ZDHHC3: variants seen among roughly 807,000 people sequenced by gnomAD.
ZDHHC3 encodes the protein zDHHC palmitoyltransferase 3.
In ZDHHC3, 9 loss-of-function variants were observed where a neutral mutation model predicts 30.6. The observed-to-expected ratio is 0.29, with a 90% CI of 0.18 to 0.51. The LOEUF is 0.51. ZDHHC3 is among the 20% of genes least tolerant of loss of function. The probability of loss-of-function intolerance (pLI) is 0.97; values close to 1 mark genes in which losing one functional copy is unlikely to be tolerated. For synonymous variants in ZDHHC3, 136 were observed against 140.2 expected (o/e 0.97, Z 0.21); for missense variants, 246 against 384.2 (o/e 0.64, Z 3.01).
intron 2 of ZDHHC3, among the ~76,000 whole-genome samples, chr3:44,957,036 A>G (rs1172589117): frequency 6.6e-6 from 1 of 151,126 alleles, no homozygotes; most frequent in East Asian, 1.9e-4. Context: ...CTTTGAATCT[A>G]CTCTTTTCTC....
rs1700818690 is a variant in ZDHHC3 at position 44,924,296 on chromosome 3, AAAT to A, written c.*2390_*2392del. The A allele has an allele frequency of 1.0e-6, 1 of 985,466 alleles. No individual in the cohort carries two copies. Among genetic ancestry groups the A allele is most frequent in the African/African-American group, 1.7e-5 (1 of 57,368 alleles). 61.0% of individuals were successfully genotyped at this position (985,466 alleles called of 1,614,324 possible). A position where few individuals can be genotyped will look rare whatever the true frequency, so the allele number is the denominator to read the frequency against. ...GGCTGGGAACCAATCACTACCCTGCAAATGATGGCTACATTCCTCAGTCATTGT... is the reference window on the plus strand; with the variant it reads ...GGCTGGGAACCAATCACTACCCTGCAGATGGCTACATTCCTCAGTCATTGT... On this transcript the variant is annotated 3_prime_UTR_variant, in exon 7 of 7. Transcript: ENST00000424952.
chr3:44,963,551 A>G (rs954262913), intron 1 of ZDHHC3, among the ~76,000 whole-genome samples: 3 of 150,430 alleles, frequency 2.0e-5, no homozygotes, highest in Admixed American at 1.3e-4. Flanking sequence ...CCTTTATCCT[A>G]CCCCTAACAA....
Position 44,959,456 on chromosome 3 carries a change from G to A in ZDHHC3, c.-20C>T. On this transcript the variant is annotated 5_prime_UTR_variant, in exon 2 of 7. It introduces an in-frame stop codon into an upstream open reading frame of the 5' UTR. Coordinates refer to ENST00000424952, the MANE Select transcript of ZDHHC3 (RefSeq NM_001135179.2). The surrounding 1 kb of genome is among the most constrained non-coding windows in gnomAD (Gnocchi z 4.3). ...CATCATAAGCTATTCTGTCCATACTGGCATCTGAAAGAGAGAGGAAAGAAT... is the reference window on the plus strand; with the variant it reads ...CATCATAAGCTATTCTGTCCATACTAGCATCTGAAAGAGAGAGGAAAGAAT... 6.2e-7 allele frequency: 1 copy of A among 1,600,190 alleles called. No homozygotes were observed. Among genetic ancestry groups the A allele is most frequent in the Non-Finnish European group, 8.5e-7 (1 of 1,170,010 alleles).
At position 44,922,277 on chromosome 3, in the gene ZDHHC3, C is replaced by A; in HGVS notation, c.*4412G>T. The A allele has an allele frequency of 1.0e-6, 1 of 985,396 alleles. No homozygotes were observed. The highest frequency in any genetic ancestry group is 1.2e-6 in the Non-Finnish European group (1 of 829,938). The allele number at this position is 985,396 out of a possible 1,614,324, so 61.0% of individuals were successfully genotyped here. Reference sequence around the variant, plus strand: ...TCATGTATCCAGGCTGCTACAATGCCCCTGGCTCTAGACTACTCACCGGCC... The same window carrying A: ...TCATGTATCCAGGCTGCTACAATGCACCTGGCTCTAGACTACTCACCGGCC... On this transcript the variant is annotated 3_prime_UTR_variant, in exon 7 of 7. Transcript: ENST00000424952.
At chr3:44,962,365 C>A (rs1438762384) in intron 1 of ZDHHC3, among the ~76,000 whole-genome samples, 1 of 152,074 alleles carries the variant, frequency 6.6e-6, no homozygotes, top group Admixed American at 6.6e-5. Context: ...GTTTCATGTG[C>A]ATGGTTTTGT....
chr3:44,924,441 C>G lies in ZDHHC3; in HGVS notation c.*2248G>C. 2.0e-6 allele frequency: 2 copies of G among 985,438 alleles called. No homozygotes were observed. The highest frequency in any genetic ancestry group is 2.4e-6 in the Non-Finnish European group (2 of 829,932). 61.0% of individuals were successfully genotyped at this position (985,438 alleles called of 1,614,324 possible). A position where few individuals can be genotyped will look rare whatever the true frequency, so the allele number is the denominator to read the frequency against. The stretch of plus-strand genomic sequence containing the variant: ...GAGAGCTCAGAAACATTGACTCTTT[C>G]TAGCCAAGGCCTATACAAAACCAGA... On this transcript the variant is annotated 3_prime_UTR_variant, in exon 7 of 7. Transcript: ENST00000424952.
rs1017589703 is a variant in ZDHHC3 at position 44,929,333 on chromosome 3, C to T, written c.714G>A (p.Gln238=). 1.3e-5 allele frequency: 21 copies of T among 1,613,970 alleles called. No homozygotes were observed. In the African/African-American group the frequency reaches 2.5e-4, roughly 19 times the overall value. ...TCTCATCTGTGCAGATGGAGTGCAC[C>T]TGGGTCCCAAACATCACTGATGTGA... ...LIFTSVMFGT[Q]VHSICTDETG... The change falls in exon 6 of 7, where the codon CAG becomes CAA. Residue 238 remains glutamine (Q), a synonymous_variant. Coordinates refer to ENST00000424952, the MANE Select transcript of ZDHHC3 (RefSeq NM_001135179.2).
At chr3:44,954,933 T>C (rs1474930381) in intron 2 of ZDHHC3, among the ~76,000 whole-genome samples, 1 of 152,202 alleles carries the variant, frequency 6.6e-6, no homozygotes, top group Admixed American at 6.5e-5. Context: ...TAAGGGTTTC[T>C]GAGTCCAGTT....
Position 44,959,481 on chromosome 3 carries a change from T to A in ZDHHC3, c.-24-21A>T. 6.3e-7 allele frequency: 1 copy of A among 1,578,568 alleles called. No homozygotes were observed. The highest frequency in any genetic ancestry group is 8.6e-7 in the Non-Finnish European group (1 of 1,158,874). On this transcript the variant is annotated intron_variant, in intron 1 of 6. Transcript: ENST00000424952. The surrounding 1 kb of genome is among the most constrained non-coding windows in gnomAD (Gnocchi z 4.3). ...GGCATCTGAAAGAGAGAGGAAAGAA[T>A]CCAGAAACTTGGTGTTGTCTTGTCA...
At chr3:44,936,884 C>A (rs1351115297) in intron 3 of ZDHHC3, among the ~76,000 whole-genome samples, 1 of 150,632 alleles carries the variant, frequency 6.6e-6, no homozygotes, top group Non-Finnish European at 1.5e-5. Flanking sequence ...AACCCCCCCC[C>A]AAAACCTGCT....
At chr3:44,955,045 A>C (rs1425226092) in intron 2 of ZDHHC3, among the ~76,000 whole-genome samples, 1 of 152,168 alleles carries the variant, frequency 6.6e-6, no homozygotes, top group Non-Finnish European at 1.5e-5. Flanking sequence ...ATGACATTAC[A>C]CAACCTCAGA....
At chr3:44,953,649 G>C (rs1703667696) in intron 2 of ZDHHC3, among the ~76,000 whole-genome samples, 1 of 152,200 alleles carries the variant, frequency 6.6e-6, no homozygotes, top group Non-Finnish European at 1.5e-5. Flanking sequence ...CCCCAGGCCT[G>C]CATCACTGGC....
Position 44,917,030 on chromosome 3 carries a change from TA to T in ZDHHC3, c.*9658del, listed in dbSNP as rs1021213537. The T allele has an allele frequency of 9.2e-5, 14 of 152,316 alleles. No homozygotes were observed. The highest frequency in any genetic ancestry group is 3.1e-4 in the African/African-American group (13 of 41,568). 9.4% of individuals were successfully genotyped at this position (152,316 alleles called of 1,614,324 possible). A position where few individuals can be genotyped will look rare whatever the true frequency, so the allele number is the denominator to read the frequency against. On this transcript the variant is annotated 3_prime_UTR_variant, in exon 7 of 7. Coordinates refer to ENST00000424952, the MANE Select transcript of ZDHHC3 (RefSeq NM_001135179.2). Reference sequence around the variant, plus strand: ...CTCCCTCCAAGAGGTAACATTCAATTAAGTTCTCATGCGAGTGGTTAGGGAG... The same window carrying T: ...CTCCCTCCAAGAGGTAACATTCAATTAGTTCTCATGCGAGTGGTTAGGGAG...
chr3:44,932,781 AAAAC>A (rs147521870), intron 5 of ZDHHC3: 97,382 of 840,744 alleles, frequency 0.12, 6,597 homozygotes, highest in Non-Finnish European at 0.15. Context: ...GGAAAGACAG[AAAAC>A]AAAACTTCTC....
chr3:44,922,004 G>A lies in ZDHHC3; in HGVS notation c.*4685C>T, dbSNP rs1700627827. 6.1e-6 allele frequency: 6 copies of A among 985,290 alleles called. No individual in the cohort carries two copies. Among genetic ancestry groups the A allele is most frequent in the Non-Finnish European group, 6.0e-6 (5 of 829,932 alleles). 61.0% of individuals were successfully genotyped at this position (985,290 alleles called of 1,614,324 possible). On this transcript the variant is annotated 3_prime_UTR_variant, in exon 7 of 7. Coordinates refer to ENST00000424952, the MANE Select transcript of ZDHHC3 (RefSeq NM_001135179.2). ...TGGGCCCAACAGAGCGGGATCCCTG[G>A]GGGCCACTCTGCTTTGCTACGGCAA...
At chr3:44,973,255 G>C (rs1169724014) in intron 1 of ZDHHC3, among the ~76,000 whole-genome samples, 1 of 152,160 alleles carries the variant, frequency 6.6e-6, no homozygotes, top group African/African-American at 2.4e-5. Context: ...CCTGGGGGGA[G>C]GCTGTGTAAG....
intron 1 of ZDHHC3, among the ~76,000 whole-genome samples, chr3:44,971,953 G>A (rs763223222): frequency 3.3e-5 from 5 of 151,920 alleles, no homozygotes; most frequent in African/African-American, 4.8e-5. Context: ...CTCAAACTCC[G>A]GGGCTTAAGG....
Position 44,925,959 on chromosome 3 carries a change from G to A in ZDHHC3, c.*730C>T. 1.0e-6 allele frequency: 1 copy of A among 985,742 alleles called. No individual in the cohort carries two copies. Among genetic ancestry groups the A allele is most frequent in the Non-Finnish European group, 1.2e-6 (1 of 829,924 alleles). The allele number at this position is 985,742 out of a possible 1,614,324, so 61.1% of individuals were successfully genotyped here. On this transcript the variant is annotated 3_prime_UTR_variant, in exon 7 of 7. Transcript: ENST00000424952. ...TTGATTGTATAAGGCATTTTGAACT[G>A]GAAAAACGTCTTTCCTACACACTCT... is the stretch of plus-strand genomic sequence containing the variant.
intron 4 of ZDHHC3, chr3:44,933,411 T>C: frequency 1.7e-6 from 1 of 603,472 alleles, no homozygotes; most frequent in Non-Finnish European, 2.9e-6. Flanking sequence ...CGGGAGTACG[T>C]GGAACCAGAA....
Sources: allele counts gnomAD v4.1 joint callset (sites outside exome capture counted in the v4.1 genomes callset), GRCh38; gene constraint gnomAD v4.1.1; non-coding constraint Gnocchi (gnomAD v3.1); transcripts MANE v1.5; gene names NCBI Gene and HGNC (gene_info 2026-07-23, HGNC 2026-07-21).